Variants in ROGDI observed in about 807,000 individuals in gnomAD.
The protein encoded by ROGDI is rogdi atypical leucine zipper.
A neutral mutation model predicts 43.1 loss-of-function variants in ROGDI; 46 were observed. The observed-to-expected ratio is 1.07, with a 90% CI of 0.84 to 1.37. The LOEUF is 1.37. Ranked by LOEUF, ROGDI falls within the 40% of genes most tolerant of loss-of-function variation. The pLI is 0.00. For synonymous variants in ROGDI, 243 were observed against 162.0 expected (o/e 1.50, Z -3.80); for missense variants, 518 against 383.9 (o/e 1.35, Z -2.92).
At chr16:4,798,882 T>A in intron 6 of ROGDI, 1 of 563,520 alleles carries the variant, frequency 1.8e-6, no homozygotes, top group Non-Finnish European at 3.1e-6. Flanking sequence ...GGGATGGGGC[T>A]GATTCACTGC....
intron 2 of ROGDI, chr16:4,802,154 G>T (rs1365086251): frequency 4.6e-6 from 3 of 656,368 alleles, no homozygotes; most frequent in Non-Finnish European, 8.4e-6. Context: ...CCCGAGGCCG[G>T]GCGGGACTCA....
rs1490853280 is a variant in ROGDI, at chr16:4,801,348, C to A, written c.201-27G>T. 30 of 1,594,554 alleles carry A rather than the reference C, an allele frequency of 1.9e-5. No individual in the cohort carries two copies. In the East Asian group the frequency reaches 6.5e-4, roughly 35 times the overall value. ...TGTAACATGTGGCGTCAGAGCGGTG[C>A]CTGTGGTCACCCCCCCACCACCCAG... On this transcript the variant is annotated intron_variant, in intron 3 of 10. Coordinates refer to ENST00000322048, the MANE Select transcript of ROGDI (RefSeq NM_024589.3).
chr16:4,800,047 G>A (rs2082697468), intron 5 of ROGDI, among the ~76,000 whole-genome samples: 1 of 152,184 alleles, frequency 6.6e-6, no homozygotes, highest in Non-Finnish European at 1.5e-5. Flanking sequence ...GCGGAGGGAA[G>A]CAAACAGGGC....
At chr16:4,801,792 C>A in intron 2 of ROGDI, 1 of 603,166 alleles carries the variant, frequency 1.7e-6, no homozygotes, top group Non-Finnish European at 3.0e-6. Flanking sequence ...ACCACATTCC[C>A]TGAACACCTC....
chr16:4,799,656 G>T (rs768698581), intron 6 of ROGDI, 30 bp downstream of exon 6: 29 of 1,549,440 alleles, frequency 1.9e-5, no homozygotes, highest in Non-Finnish European at 2.6e-5. Context: ...GTGGGACTAG[G>T]CCCAGGAGTC....
Position 4,797,184 on chromosome 16 carries a change from A to C in ROGDI, c.*276T>G. ...GAGCCCTGCGCCTGGCCCTGTCCTG[A>C]GTCCAAAGATTCCCATGGTGATCAG... On this transcript the variant is annotated 3_prime_UTR_variant, in exon 11 of 11. Coordinates refer to ENST00000322048, the MANE Select transcript of ROGDI (RefSeq NM_024589.3). The C allele has an allele frequency of 2.4e-6, 1 of 416,512 alleles. No homozygotes were observed. The highest frequency in any genetic ancestry group is 3.0e-5 in the South Asian group (1 of 33,632). 25.8% of individuals were successfully genotyped at this position (416,512 alleles called of 1,614,324 possible).
intron 4 of ROGDI, chr16:4,800,882 C>G: frequency 1.9e-6 from 1 of 515,100 alleles, no homozygotes; most frequent in Non-Finnish European, 3.4e-6. Flanking sequence ...CTAGTGTCTA[C>G]AAAGGGCAAC....
rs1239263967 is a variant in ROGDI, at chr16:4,801,376, C to G, written c.201-55G>C. ...GTGGTCACCCCCCCACCACCCAGCC[C>G]TCCCTCCCGGCGGGCTGCCCCTCCT... is the stretch of plus-strand genomic sequence containing the variant. On this transcript the variant is annotated intron_variant, in intron 3 of 10. Transcript: ENST00000322048. The G allele has an allele frequency of 2.5e-6, 4 of 1,580,812 alleles. No individual in the cohort carries two copies. The African/African-American group carries it at 4.0e-5, about 16-fold the overall frequency.
Position 4,797,171 on chromosome 16 carries a change from T to A in ROGDI, c.*289A>T, listed in dbSNP as rs1300168168. On this transcript the variant is annotated 3_prime_UTR_variant, in exon 11 of 11. Transcript: ENST00000322048. ...GGGAGAGGAGGGAGAGCCCTGCGCC[T>A]GGCCCTGTCCTGAGTCCAAAGATTC... is the stretch of plus-strand genomic sequence containing the variant. 4 of 384,458 alleles carry A rather than the reference T, an allele frequency of 1.0e-5. No individual in the cohort carries two copies. The highest frequency in any genetic ancestry group is 7.5e-4 in the Middle Eastern group (1 of 1,338). The allele number at this position is 384,458 out of a possible 1,614,324, so 23.8% of individuals were successfully genotyped here.
chr16:4,797,753 G>A lies in ROGDI; in HGVS notation c.783C>T (p.Phe261=), dbSNP rs142481526. Residue 261 remains phenylalanine (F), a synonymous_variant, in exon 10 of 11, where the codon TTC becomes TTT. Coordinates refer to ENST00000322048, the MANE Select transcript of ROGDI (RefSeq NM_024589.3). Reference sequence around the variant, plus strand: ...GCTGGCAGAGCTGCAGGGAGACGGTGAAGTAGACCAGGGCGTCGTTGAGCC... The same window carrying A: ...GCTGGCAGAGCTGCAGGGAGACGGTAAAGTAGACCAGGGCGTCGTTGAGCC... ...IPWLNDALVY[F]TVSLQLCQQL... The A allele has an allele frequency of 3.5e-4, 549 of 1,548,420 alleles. 2 individuals carry two copies. Among genetic ancestry groups the A allele is most frequent in the African/African-American group, 1.7e-3 (107 of 62,384 alleles).
chr16:4,798,110 C>T lies in ROGDI; in HGVS notation c.606G>A (p.Thr202=), dbSNP rs769081433. 8.7e-6 allele frequency: 14 copies of T among 1,613,842 alleles called. No homozygotes were observed. The highest frequency in any genetic ancestry group is 6.6e-5 in the South Asian group (6 of 91,088). Residue 202 remains threonine (T), a synonymous_variant, in exon 8 of 11, where the codon ACG becomes ACA. Coordinates refer to ENST00000322048, the MANE Select transcript of ROGDI (RefSeq NM_024589.3). The part of the protein sequence containing the change: ...VYINLNKLCL[T]VYQLHALQPN... ...GCTGCAGGGCATGCAGCTGGTACAC[C>T]GTGAGGCAGAGCTTGTTGAGGTTGA...
At chr16:4,798,832 G>A (rs2082685749) in intron 6 of ROGDI, 165 bp from the exon 7 acceptor site, 12 of 623,504 alleles carry the variant, frequency 1.9e-5, no homozygotes, top group South Asian at 5.9e-5. Flanking sequence ...GGCTCCAGCT[G>A]GGTATGGAGG....
At chr16:4,801,606 G>A (rs755316911) in intron 2 of ROGDI, 21 bp from the exon 3 acceptor site, 3 of 1,577,288 alleles carry the variant, frequency 1.9e-6, no homozygotes, top group African/African-American at 2.7e-5. Context: ...GAGGGAAGGA[G>A]GGGAGCTGGT....
Position 4,799,702 on chromosome 16 carries a change from CCCGT to C in ROGDI, c.412_415del (p.Thr138AlafsTer7). The C allele has an allele frequency of 6.2e-7, 1 of 1,613,360 alleles. No homozygotes were observed. Among genetic ancestry groups the C allele is most frequent in the Non-Finnish European group, 8.5e-7 (1 of 1,179,562 alleles). On this transcript the variant is annotated frameshift_variant, in exon 6 of 11. Transcript: ENST00000322048. LOFTEE classifies it high-confidence loss of function. ...GCAGCTCACCTTGAGGACCTCAGCG[CCCGT>C]CTTGAACTGGTAGCTCTGGTCCCGG...
chr16:4,801,640 G>A, intron 2 of ROGDI, 55 bp from the exon 3 acceptor site: 2 of 1,488,692 alleles, frequency 1.3e-6, no homozygotes, highest in East Asian at 2.4e-5. Flanking sequence ...GCCCGGCCCA[G>A]TGCTCCTTCC....
rs145588848 is a variant in ROGDI at position 4,799,740 on chromosome 16, C to G, written c.378G>C (p.Leu126=). ...ARNHVSQAIY[L]LTSRDQSYQF... ...GGTAGCTCTGGTCCCGGCTGGTAAG[C>G]AGGTAAATGGCTTGGCTCACATGGT... is the stretch of plus-strand genomic sequence containing the variant. The change falls in exon 6 of 11, where the codon CTG becomes CTC. Residue 126 remains leucine, a synonymous_variant. Coordinates refer to ENST00000322048, the MANE Select transcript of ROGDI (RefSeq NM_024589.3). 313 of 1,613,728 alleles carry G rather than the reference C, an allele frequency of 1.9e-4. No homozygotes were observed. The highest frequency in any genetic ancestry group is 9.3e-4 in the Admixed American group (56 of 59,978).
intron 6 of ROGDI, 130 bp from the exon 7 acceptor site, chr16:4,798,797 G>T: frequency 1.3e-6 from 1 of 749,692 alleles, no homozygotes; most frequent in Non-Finnish European, 2.2e-6. Context: ...CCCGGCAGCA[G>T]GGACCTGTTA....
chr16:4,801,234 C>T (rs1172473433), intron 4 of ROGDI, 33 bp downstream of exon 4: 1 of 1,557,728 alleles, frequency 6.4e-7, no homozygotes, highest in South Asian at 1.2e-5. Flanking sequence ...TCCCCATTGG[C>T]AGGATGGGAG....
At position 4,797,215 on chromosome 16, in the gene ROGDI, G is replaced by A. The variant is rs1263430098; in HGVS notation, c.*245C>T. On this transcript the variant is annotated 3_prime_UTR_variant, in exon 11 of 11. Transcript: ENST00000322048. ...AAGATTCCCATGGTGATCAGAGGGC[G>A]GTGTTGGGAATGTGGGACACCCTTG... The A allele has an allele frequency of 1.7e-5, 8 of 483,408 alleles. No homozygotes were observed. Among genetic ancestry groups the A allele is most frequent in the African/African-American group, 3.9e-5 (2 of 51,348 alleles). 29.9% of individuals were successfully genotyped at this position (483,408 alleles called of 1,614,324 possible). A position where few individuals can be genotyped will look rare whatever the true frequency, so the allele number is the denominator to read the frequency against.
Sources: gnomAD v4.1 joint callset for allele counts (sites outside exome capture counted in the v4.1 genomes callset) on GRCh38, gnomAD v4.1.1 for gene constraint, MANE v1.5 for transcripts, NCBI Gene and HGNC (gene_info 2026-07-23, HGNC 2026-07-21) for gene names.